RHOBTB2: variants seen among roughly 807,000 people sequenced by gnomAD.
RHOBTB2 encodes rho-related BTB domain-containing protein 2.
In RHOBTB2, 39 loss-of-function variants were observed where a neutral mutation model predicts 66.5. The observed-to-expected ratio is 0.59, with a 90% confidence interval of 0.45 to 0.77. The LOEUF is 0.77. RHOBTB2 is among the 30% of genes least tolerant of loss of function. RHOBTB2 has a pLI of 0.00. For missense variants in RHOBTB2, 755 were observed against 999.1 expected, an observed-to-expected ratio of 0.76 and a Z score of 3.29; for synonymous variants, 390 against 395.0, an observed-to-expected ratio of 0.99 and a Z score of 0.15.
upstream of RHOBTB2, among the ~76,000 whole-genome samples, chr8:22,985,919 C>T (rs1585177056): frequency 6.6e-6 from 1 of 152,296 alleles, no homozygotes; most frequent in South Asian, 2.1e-4. Context: ...GCCCAGCAGG[C>T]GGCACAAAGC....
chr8:23,017,412 C>T lies in RHOBTB2; in HGVS notation c.2127C>T (p.Ser709=). The T allele has an allele frequency of 6.2e-7, 1 of 1,613,454 alleles. No individual in the cohort carries two copies. The highest frequency in any genetic ancestry group is 8.5e-7 in the Non-Finnish European group (1 of 1,179,696). ...RRWLFWNSPS[S]PSSSAASSSS... ...GGCTCTTCTGGAACAGTCCATCCTC[C>T]CCGTCTTCCTCGGCAGCCTCCTCCT... The change falls in exon 10 of 10, where the codon TCC becomes TCT. Residue 709 remains serine, a synonymous_variant. Transcript: ENST00000251822. The surrounding 1 kb of genome is among the most constrained non-coding windows in gnomAD (Gnocchi z 5.3).
upstream of RHOBTB2, chr8:22,998,986 C>G (rs1477855118): frequency 6.6e-6 from 1 of 152,284 alleles, no homozygotes; most frequent in Non-Finnish European, 1.5e-5. Context: ...AGGTGGGGAC[C>G]CGCTGAAGAA....
upstream of RHOBTB2, chr8:22,995,993 G>A (rs1197424858): frequency 4.9e-6 from 5 of 1,028,704 alleles, no homozygotes; most frequent in South Asian, 4.1e-5. Context: ...GCACTGGGAA[G>A]GGGCCTTCAC....
chr8:22,976,845 C>T, the RHOBTB2 span, among the ~76,000 whole-genome samples: 1 of 151,610 alleles, frequency 6.6e-6, no homozygotes, highest in African/African-American at 2.4e-5. Flanking sequence ...AGGCTGGTCT[C>T]GAACTCCTGA....
At chr8:23,010,730 C>G (rs750082634) in intron 7 of RHOBTB2, 42 bp downstream of exon 7, 2 of 1,602,600 alleles carry the variant, frequency 1.2e-6, no homozygotes. Flanking sequence ...GCGGCAGAGG[C>G]CAGGGAAACC....
In RHOBTB2 at chr8:23,000,093, C is replaced by T. The variant is rs189080934; in HGVS notation, c.-23C>T. 3 of 985,476 alleles carry T rather than the reference C, an allele frequency of 3.0e-6. No homozygotes were observed. The East Asian group carries it at 3.4e-4, about 112-fold the overall frequency. 61.0% of individuals were successfully genotyped at this position (985,476 alleles called of 1,614,324 possible). A position where few individuals can be genotyped will look rare whatever the true frequency, so the allele number is the denominator to read the frequency against. ...TTCCTCACGCTAGAAGCCACCCCGTCACATGTAGTGGTGTAAGTAGATGGC... is the reference window on the plus strand; with the variant it reads ...TTCCTCACGCTAGAAGCCACCCCGTTACATGTAGTGGTGTAAGTAGATGGC... On this transcript the variant is annotated 5_prime_UTR_variant, in exon 1 of 10. Transcript: ENST00000251822.
At chr8:22,998,668 T>C (rs892371296), upstream of RHOBTB2, among the ~76,000 whole-genome samples, 1 of 142,816 alleles carries the variant, frequency 7.0e-6, no homozygotes, top group Non-Finnish European at 1.5e-5. Context: ...GAGGCGGAGG[T>C]TGCAGTGAAC....
the RHOBTB2 span, among the ~76,000 whole-genome samples, chr8:22,961,289 G>A: frequency 6.6e-6 from 1 of 152,134 alleles, no homozygotes; most frequent in African/African-American, 2.4e-5. Flanking sequence ...ACCATTCACA[G>A]CCTCTGAGCT....
In RHOBTB2 at chr8:23,004,316, G is replaced by A. The variant is rs774097269; in HGVS notation, c.-10-109G>A. 2.0e-5 allele frequency: 18 copies of A among 915,604 alleles called. No homozygotes were observed. Among genetic ancestry groups the A allele is most frequent in the Non-Finnish European group, 3.0e-5 (17 of 573,472 alleles). The allele number at this position is 915,604 out of a possible 1,614,324, so 56.7% of individuals were successfully genotyped here. ...ACTCCTTCCTCCTCCTGTCAGCTCC[G>A]GGGCTTGCAGAGGGGGCAGCCTGGC... On this transcript the variant is annotated intron_variant, in intron 1 of 9. Transcript: ENST00000251822. The surrounding 1 kb of genome is among the most constrained non-coding windows in gnomAD (Gnocchi z 6.4).
chr8:22,972,519 C>T, the RHOBTB2 span, among the ~76,000 whole-genome samples: 3 of 152,246 alleles, frequency 2.0e-5, no homozygotes, highest in Non-Finnish European at 4.4e-5. Context: ...CTCCTTCTTG[C>T]TATGCCTCCA....
At position 23,019,917 on chromosome 8, in the gene RHOBTB2, A is replaced by C; in HGVS notation, c.*2448A>C. 4.3e-6 allele frequency: 1 copy of C among 230,804 alleles called. No individual in the cohort carries two copies. The highest frequency in any genetic ancestry group is 8.7e-6 in the Non-Finnish European group (1 of 114,972). The allele number at this position is 230,804 out of a possible 1,614,324, so 14.3% of individuals were successfully genotyped here. A position where few individuals can be genotyped will look rare whatever the true frequency, so the allele number is the denominator to read the frequency against. Reference sequence around the variant, plus strand: ...AGAGGGAGGAGCAGGCAGGAGAGAGAGGGGAAGGAGGTATGAATCCCAGTC... The same window carrying C: ...AGAGGGAGGAGCAGGCAGGAGAGAGCGGGGAAGGAGGTATGAATCCCAGTC... On this transcript the variant is annotated 3_prime_UTR_variant, in exon 10 of 10. Coordinates refer to ENST00000251822, the MANE Select transcript of RHOBTB2 (RefSeq NM_015178.3).
chr8:22,951,817 T>C, the RHOBTB2 span, among the ~76,000 whole-genome samples: 1 of 152,164 alleles, frequency 6.6e-6, no homozygotes, highest in African/African-American at 2.4e-5. Context: ...GGATATGATG[T>C]CTTAGCTTGG....
chr8:22,961,236 C>T, the RHOBTB2 span, among the ~76,000 whole-genome samples: 1 of 152,096 alleles, frequency 6.6e-6, no homozygotes, highest in Non-Finnish European at 1.5e-5. Context: ...TAACTGAAAC[C>T]CTAACACAGG....
the RHOBTB2 span, among the ~76,000 whole-genome samples, chr8:22,966,728 C>T: frequency 6.6e-6 from 1 of 152,080 alleles, no homozygotes; most frequent in East Asian, 1.9e-4. Context: ...CACTCTATAT[C>T]CTATAGCTAT....
chr8:22,999,555 G>A lies in RHOBTB2; in HGVS notation c.-561G>A. ...CTGCGCGCGGCAGTGGGCGGGGCCC[G>A]TCACGGCTGTCGTCTTGGGTGCGAT... is the stretch of plus-strand genomic sequence containing the variant. On this transcript the variant is annotated 5_prime_UTR_variant, in exon 1 of 10. Coordinates refer to ENST00000251822, the MANE Select transcript of RHOBTB2 (RefSeq NM_015178.3). 1 of 1,189,014 alleles carries A rather than the reference G, an allele frequency of 8.4e-7. No homozygotes were observed. Among genetic ancestry groups the A allele is most frequent in the South Asian group, 1.5e-5 (1 of 66,832 alleles). The allele number at this position is 1,189,014 out of a possible 1,614,324, so 73.7% of individuals were successfully genotyped here.
chr8:23,005,871 C>T (rs765113969), intron 3 of RHOBTB2, 89 bp from the exon 4 acceptor site: 52 of 1,233,936 alleles, frequency 4.2e-5, no homozygotes, highest in Non-Finnish European at 6.0e-5. Context: ...AGGTGTGGGA[C>T]TGTACAGGGC....
chr8:22,965,259 A>G, the RHOBTB2 span, among the ~76,000 whole-genome samples: 44 of 152,346 alleles, frequency 2.9e-4, no homozygotes, highest in South Asian at 6.2e-4. Flanking sequence ...TAATTGTAAT[A>G]CAATTAAGCT....
chr8:23,013,546 A>G (rs1811206532), intron 7 of RHOBTB2, among the ~76,000 whole-genome samples: 1 of 151,676 alleles, frequency 6.6e-6, no homozygotes, highest in South Asian at 2.1e-4. Context: ...CCTGGGCTGG[A>G]GTATAGTGAT....
chr8:23,014,974 G>T lies in RHOBTB2; in HGVS notation c.1860+196G>T, dbSNP rs112589415. On this transcript the variant is annotated intron_variant, in intron 8 of 9. Transcript: ENST00000251822. ...GGAACTCCCTGGTGTACCCGGAGGG[G>T]AGCTGACCAAGTGGGGAAGGGATGA... is the stretch of plus-strand genomic sequence containing the variant. Among the ~76,000 whole-genome samples, 1,128 of 152,256 alleles carry T rather than the reference G, an allele frequency of 7.4e-3. 17 individuals carry two copies. The highest frequency in any genetic ancestry group is 0.027 in the Middle Eastern group (8 of 294).
Sources: allele counts gnomAD v4.1 joint callset (sites outside exome capture counted in the v4.1 genomes callset), GRCh38; gene constraint gnomAD v4.1.1; non-coding constraint Gnocchi (gnomAD v3.1); transcripts MANE v1.5; gene names NCBI Gene and HGNC (gene_info 2026-07-23, HGNC 2026-07-21).